RAB27A: variants seen among roughly 807,000 people sequenced by gnomAD.
RAB27A encodes the protein RAB27A, member RAS oncogene family, also known as ras-related protein Rab-27A.
A neutral mutation model predicts 20.8 loss-of-function variants in RAB27A; 17 were observed. The observed-to-expected ratio is 0.82, with a 90% CI of 0.56 to 1.23. RAB27A has a LOEUF of 1.23. RAB27A is among the 50% of genes most tolerant of loss of function. RAB27A has a pLI of 0.00. For synonymous variants in RAB27A, 85 were observed against 92.8 expected, an observed-to-expected ratio of 0.92 and a Z score of 0.48; for missense variants, 277 against 266.7, an observed-to-expected ratio of 1.04 and a Z score of -0.27.
chr15:55,313,853 G>A (rs989339842), intron 2 of RAB27A, among the ~76,000 whole-genome samples: 8 of 152,070 alleles, frequency 5.3e-5, no homozygotes, highest in Non-Finnish European at 7.4e-5. Context: ...AGCACCTGTG[G>A]TCCCAGCTAC....
At chr15:55,213,693 G>T (rs1467848949) in intron 6 of RAB27A, among the ~76,000 whole-genome samples, 1 of 152,142 alleles carries the variant, frequency 6.6e-6, no homozygotes. Flanking sequence ...CCCATGTGAG[G>T]GATCTAGGTT....
chr15:55,301,881 T>G (rs1336632291), intron 2 of RAB27A, among the ~76,000 whole-genome samples: 2 of 151,924 alleles, frequency 1.3e-5, no homozygotes, highest in Admixed American at 6.6e-5. Context: ...CCTGACCTCA[T>G]GTGATCCACC....
intron 1 of RAB27A, among the ~76,000 whole-genome samples, chr15:55,316,001 A>T (rs557035542): frequency 6.6e-6 from 1 of 152,284 alleles, no homozygotes; most frequent in Non-Finnish European, 1.5e-5. Flanking sequence ...TGGGAGGCCG[A>T]AGCAGGTGGA....
intron 3 of RAB27A, among the ~76,000 whole-genome samples, chr15:55,230,830 G>A (rs894482047): frequency 6.6e-6 from 1 of 151,614 alleles, no homozygotes; most frequent in Non-Finnish European, 1.5e-5. Context: ...CATCTTTTTT[G>A]TTTGTTTAAC....
intron 2 of RAB27A, among the ~76,000 whole-genome samples, chr15:55,302,205 C>A (rs116926688): frequency 0.031 from 4,599 of 149,820 alleles, 78 homozygotes; most frequent in Non-Finnish European, 0.041. Context: ...CAGAGTGAGA[C>A]CTCATCTCAA....
chr15:55,314,501 T>C (rs1039227527), intron 1 of RAB27A, among the ~76,000 whole-genome samples: 3 of 152,188 alleles, frequency 2.0e-5, no homozygotes, highest in African/African-American at 7.2e-5. Context: ...GATGACATGA[T>C]TGTGTATTTA....
At chr15:55,208,947 T>C (rs1328737282) in intron 6 of RAB27A, among the ~76,000 whole-genome samples, 1 of 152,138 alleles carries the variant, frequency 6.6e-6, no homozygotes, top group Non-Finnish European at 1.5e-5. Context: ...TCTGAGGAGG[T>C]AGGAAGGAGA....
intron 2 of RAB27A, among the ~76,000 whole-genome samples, chr15:55,313,296 T>C (rs1233402573): frequency 2.0e-5 from 3 of 152,128 alleles, no homozygotes; most frequent in Non-Finnish European, 2.9e-5. Flanking sequence ...TGTACAACTA[T>C]AGTCGATGAG....
intron 1 of RAB27A, among the ~76,000 whole-genome samples, chr15:55,276,083 C>G (rs1435515137): frequency 6.6e-6 from 1 of 151,778 alleles, no homozygotes; most frequent in Non-Finnish European, 1.5e-5. Context: ...AATAGAATAC[C>G]ATAGGATTTG....
At chr15:55,217,200 A>G (rs1895346067) in intron 6 of RAB27A, among the ~76,000 whole-genome samples, 1 of 151,760 alleles carries the variant, frequency 6.6e-6, no homozygotes, top group Admixed American at 6.6e-5. Flanking sequence ...AATCACTCAG[A>G]GTTTTCTGAG....
rs1566896471 is a variant in RAB27A, at chr15:55,209,923, C to CATATGTGTATATCCGTATATAT, written c.468-4219_468-4218insATATATACGGATATACACATAT. 4.3e-3 allele frequency among the ~76,000 whole-genome samples: 358 copies of CATATGTGTATATCCGTATATAT among 82,506 alleles called. 38 individuals are homozygous for CATATGTGTATATCCGTATATAT. Among genetic ancestry groups the CATATGTGTATATCCGTATATAT allele is most frequent in the Middle Eastern group, 5.6e-3 (1 of 180 alleles). 54.1% of individuals were successfully genotyped at this position (82,506 alleles called of 152,430 possible). A position where few individuals can be genotyped will look rare whatever the true frequency, so the allele number is the denominator to read the frequency against. The stretch of plus-strand genomic sequence containing the variant: ...ACATATGTGTGTGTATGTATATACA[C>CATATGTGTATATCCGTATATAT]ACATATATGTATGTACATGTACACA... On this transcript the variant is annotated intron_variant, in intron 6 of 6. Coordinates refer to ENST00000336787, the MANE Select transcript of RAB27A (RefSeq NM_183235.3).
intron 2 of RAB27A, among the ~76,000 whole-genome samples, chr15:55,242,243 G>T (rs200469246): frequency 6.6e-6 from 1 of 152,158 alleles, no homozygotes; most frequent in Non-Finnish European, 1.5e-5. Flanking sequence ...AAATATACTT[G>T]ATTTTATTTT....
chr15:55,288,305 G>T (rs952578014), intron 1 of RAB27A, among the ~76,000 whole-genome samples: 3 of 152,094 alleles, frequency 2.0e-5, no homozygotes, highest in Non-Finnish European at 2.9e-5. Context: ...TTGATCACTT[G>T]AGGTCAGGAG....
intron 1 of RAB27A, chr15:55,317,507 G>A: frequency 3.0e-6 from 1 of 335,296 alleles, no homozygotes; most frequent in Non-Finnish European, 5.4e-6. Flanking sequence ...TAGAGACAGG[G>A]TTTCACCATG....
intron 1 of RAB27A, among the ~76,000 whole-genome samples, chr15:55,318,186 C>G (rs2055073450): frequency 6.6e-6 from 1 of 150,880 alleles, no homozygotes; most frequent in South Asian, 2.1e-4. Flanking sequence ...CAAGCTCCGC[C>G]TCCTCGGTTA....
chr15:55,231,689 G>A (rs1184678999), intron 3 of RAB27A, among the ~76,000 whole-genome samples: 1 of 152,076 alleles, frequency 6.6e-6, no homozygotes, highest in Non-Finnish European at 1.5e-5. Context: ...CAACAGGTTT[G>A]GAGCTCCCTA....
intron 2 of RAB27A, among the ~76,000 whole-genome samples, chr15:55,242,188 A>T (rs1158199276): frequency 6.6e-6 from 1 of 152,214 alleles, no homozygotes; most frequent in Non-Finnish European, 1.5e-5. Flanking sequence ...AGTACAGAGC[A>T]AAAGAAAGGG....
upstream of RAB27A, among the ~76,000 whole-genome samples, chr15:55,293,709 G>A (rs930101707): frequency 6.6e-6 from 1 of 152,198 alleles, no homozygotes; most frequent in East Asian, 1.9e-4. Context: ...CCTGAGGTCA[G>A]GAGTTTGAGA....
At chr15:55,241,702 G>C (rs1459773869) in intron 2 of RAB27A, among the ~76,000 whole-genome samples, 1 of 148,768 alleles carries the variant, frequency 6.7e-6, no homozygotes, top group Non-Finnish European at 1.5e-5. Flanking sequence ...TAGCTACTTG[G>C]GAGGCTGAGG....
Sources: allele counts gnomAD v4.1 joint callset (sites outside exome capture counted in the v4.1 genomes callset), GRCh38; gene constraint gnomAD v4.1.1; transcripts MANE v1.5; gene names NCBI Gene and HGNC (gene_info 2026-07-23, HGNC 2026-07-21).